The following SLC22A4 variants were observed in gnomAD, a reference collection of about 807,000 sequenced individuals.
The protein encoded by SLC22A4 is ET transporter.
SLC22A4 carries 39 observed loss-of-function variants against 56.6 expected under a neutral mutation model. The ratio of observed to expected loss-of-function variants is 0.69; its 90% CI spans 0.53 to 0.90. The LOEUF is 0.90. Among genes scored for constraint, SLC22A4 ranks in the 40% least tolerant of loss-of-function variants. The pLI is 0.00. For synonymous variants in SLC22A4, 241 were observed against 281.4 expected (o/e 0.86, Z 1.44); for missense variants, 594 against 696.5 (o/e 0.85, Z 1.66).
At chr5:132,331,564 A>T (rs1484037951) in intron 5 of SLC22A4, among the ~76,000 whole-genome samples, 192 bp from the exon 6 acceptor site, 1 of 152,180 alleles carries the variant, frequency 6.6e-6, no homozygotes, top group East Asian at 1.9e-4. Flanking sequence ...TGTAAAATGG[A>T]CTACAAACAT....
At chr5:132,299,040 G>A (rs188899900) in intron 1 of SLC22A4, among the ~76,000 whole-genome samples, 1 of 152,362 alleles carries the variant, frequency 6.6e-6, no homozygotes, top group East Asian at 1.9e-4. Context: ...CTGCATCCCA[G>A]TTGGCACAAC....
At chr5:132,303,351 T>G (rs958787519) in intron 1 of SLC22A4, among the ~76,000 whole-genome samples, 1 of 152,130 alleles carries the variant, frequency 6.6e-6, no homozygotes, top group African/African-American at 2.4e-5. Context: ...GGGCATATAT[T>G]TATTCAAGAA....
chr5:132,328,832 T>TACACAC (rs1479801329), intron 5 of SLC22A4, among the ~76,000 whole-genome samples: 1 of 37,840 alleles, frequency 2.6e-5, no homozygotes, highest in African/African-American at 8.7e-5. Flanking sequence ...TTTATATATA[T>TACACAC]ATATATACAC....
At chr5:132,323,120 T>C (rs535358023) in intron 4 of SLC22A4, among the ~76,000 whole-genome samples, 6 of 151,882 alleles carry the variant, frequency 4.0e-5, no homozygotes, top group Non-Finnish European at 7.4e-5. Context: ...TGGTTCTGTC[T>C]CTCTCTCATT....
Position 132,327,536 on chromosome 5 carries a change from G to A in SLC22A4, c.951+133G>A, listed in dbSNP as rs1352367739. 1.0e-5 allele frequency: 7 copies of A among 698,030 alleles called. No homozygotes were observed. The African/African-American group carries it at 1.3e-4, about 12-fold the overall frequency. The allele number at this position is 698,030 out of a possible 1,614,324, so 43.2% of individuals were successfully genotyped here. ...CACTAGGCCTTAGGAACACAATCAT[G>A]ATTAAATTCTAAGATAAAATCCACC... On this transcript the variant is annotated intron_variant, in intron 5 of 9. Coordinates refer to ENST00000200652, the MANE Select transcript of SLC22A4 (RefSeq NM_003059.3).
At chr5:132,306,734 C>A (rs970085280) in intron 1 of SLC22A4, among the ~76,000 whole-genome samples, 4 of 151,964 alleles carry the variant, frequency 2.6e-5, no homozygotes, top group African/African-American at 9.7e-5. Context: ...GTGTGACCCA[C>A]CGCACCCAGC....
intron 3 of SLC22A4, among the ~76,000 whole-genome samples, chr5:132,314,420 G>A (rs1750274117): frequency 6.6e-6 from 1 of 152,206 alleles, no homozygotes; most frequent in African/African-American, 2.4e-5. Flanking sequence ...GGAGTTAGGT[G>A]AGCTCCAGGC....
At chr5:132,299,659 G>A (rs1425214499) in intron 1 of SLC22A4, among the ~76,000 whole-genome samples, 1 of 151,972 alleles carries the variant, frequency 6.6e-6, no homozygotes, top group Non-Finnish European at 1.5e-5. Flanking sequence ...TCACCATGTT[G>A]GCCAGGCTGG....
intron 8 of SLC22A4, among the ~76,000 whole-genome samples, chr5:132,339,475 T>C (rs969461450): frequency 1.4e-5 from 2 of 146,636 alleles, no homozygotes; most frequent in Admixed American, 6.8e-5. Flanking sequence ...GGTACACACG[T>C]ACACACACAC....
chr5:132,320,455 A>G (rs1403672670), intron 3 of SLC22A4, among the ~76,000 whole-genome samples: 1 of 152,230 alleles, frequency 6.6e-6, no homozygotes. Flanking sequence ...AGGTCAGAAA[A>G]GACCTGGAAA....
chr5:132,298,867 A>G (rs1749839386), intron 1 of SLC22A4, among the ~76,000 whole-genome samples: 1 of 152,210 alleles, frequency 6.6e-6, no homozygotes, highest in African/African-American at 2.4e-5. Context: ...TCTAAAGTCC[A>G]GGTTGTGGCC....
intron 1 of SLC22A4, among the ~76,000 whole-genome samples, chr5:132,298,362 A>G (rs1749826081): frequency 6.6e-6 from 1 of 152,254 alleles, no homozygotes; most frequent in African/African-American, 2.4e-5. Flanking sequence ...CGCTTAGTGA[A>G]ATAAGCCAGT....
intron 1 of SLC22A4, among the ~76,000 whole-genome samples, chr5:132,303,846 T>A (rs1749960029): frequency 6.6e-6 from 1 of 152,202 alleles, no homozygotes; most frequent in Admixed American, 6.5e-5. Context: ...TTTCCCTGCC[T>A]ACCTCTCTAC....
chr5:132,311,761 C>T, intron 1 of SLC22A4: 1 of 281,634 alleles, frequency 3.6e-6, no homozygotes, highest in East Asian at 8.4e-5. Context: ...GCCCTTTGGG[C>T]TTTTCAAACA....
intron 8 of SLC22A4, among the ~76,000 whole-genome samples, chr5:132,337,680 TG>T (rs1405359418): frequency 2.0e-5 from 3 of 152,080 alleles, no homozygotes; most frequent in Admixed American, 6.6e-5. Context: ...CATGTTTTTG[TG>T]TATTTTTTGG....
chr5:132,315,311 C>A (rs1750313149), intron 3 of SLC22A4, among the ~76,000 whole-genome samples: 1 of 152,106 alleles, frequency 6.6e-6, no homozygotes, highest in African/African-American at 2.4e-5. Flanking sequence ...ACCTGAAGGA[C>A]CATCTGGAAC....
At chr5:132,342,980 T>C (rs1001776904) in intron 9 of SLC22A4, among the ~76,000 whole-genome samples, 2 of 152,330 alleles carry the variant, frequency 1.3e-5, no homozygotes, top group East Asian at 1.9e-4. Flanking sequence ...AGGCTTCTAA[T>C]CCAGGCTTAG....
At chr5:132,343,414 C>A (rs989903741) in intron 9 of SLC22A4, among the ~76,000 whole-genome samples, 2 of 152,190 alleles carry the variant, frequency 1.3e-5, no homozygotes, top group Non-Finnish European at 2.9e-5. Flanking sequence ...CCTGACAGAA[C>A]ATTTATAGCA....
intron 3 of SLC22A4, among the ~76,000 whole-genome samples, chr5:132,320,132 C>G (rs1476915329): frequency 1.3e-5 from 2 of 152,242 alleles, no homozygotes; most frequent in Non-Finnish European, 2.9e-5. Context: ...TACAAAGTCT[C>G]TGTCCCCAAC....
Sources: allele counts gnomAD v4.1 joint callset (sites outside exome capture counted in the v4.1 genomes callset), GRCh38; gene constraint gnomAD v4.1.1; transcripts MANE v1.5; gene names NCBI Gene and HGNC (gene_info 2026-07-23, HGNC 2026-07-21).